The following ARHGAP11A variants were observed in gnomAD, a reference collection of about 807,000 sequenced individuals.
The protein encoded by ARHGAP11A is Rho GTPase activating protein 11A, also known as rho GTPase-activating protein 11A.
Under a neutral mutation model 60.5 loss-of-function variants are expected in ARHGAP11A, and 36 were observed. The ratio of observed to expected loss-of-function variants is 0.59; its 90% CI spans 0.46 to 0.79. The LOEUF (loss-of-function observed/expected upper bound fraction) is 0.79, where lower values mean the gene tolerates loss of function less well. Among genes scored for constraint, ARHGAP11A ranks in the 30% least tolerant of loss-of-function variants. ARHGAP11A has a pLI of 0.00. For synonymous variants in ARHGAP11A, 362 were observed against 415.5 expected, an observed-to-expected ratio of 0.87 and a Z score of 1.57; for missense variants, 1,071 against 1,199.2, an observed-to-expected ratio of 0.89 and a Z score of 1.58.
chr15:32,633,519 G>A (rs773051175), intron 9 of ARHGAP11A, among the ~76,000 whole-genome samples: 11 of 152,124 alleles, frequency 7.2e-5, no homozygotes, highest in Non-Finnish European at 1.5e-4. Flanking sequence ...CCACATGCCT[G>A]TAGTCCCAGC....
rs780749897 is a variant in ARHGAP11A, at chr15:32,636,651, A to G, written c.1878A>G (p.Lys626=). 3.7e-6 allele frequency: 6 copies of G among 1,613,750 alleles called. No homozygotes were observed. In the South Asian group the frequency reaches 6.6e-5, roughly 18 times the overall value. Residue 626 remains lysine, a synonymous_variant, in exon 12 of 12, where the codon AAA becomes AAG. Coordinates refer to ENST00000361627, the MANE Select transcript of ARHGAP11A (RefSeq NM_014783.6). The stretch of plus-strand genomic sequence containing the variant: ...AGTCATCAGTAACTAATGTGGGGAA[A>G]GTAAAATTAACTGAACCATCTTATT... ...QRQSSVTNVG[K]VKLTEPSYLE...
intron 10 of ARHGAP11A, 128 bp downstream of exon 10, chr15:32,634,169 T>C: frequency 3.1e-6 from 2 of 650,608 alleles, no homozygotes; most frequent in East Asian, 3.0e-5. Flanking sequence ...CCAAAACTCT[T>C]ATACTTGAGT....
intron 4 of ARHGAP11A, 49 bp from the exon 5 acceptor site, chr15:32,625,031 C>G: frequency 1.3e-6 from 2 of 1,587,782 alleles, no homozygotes; most frequent in Non-Finnish European, 1.7e-6. Context: ...TTTAACTCTT[C>G]TGTATTTTCA....
At chr15:32,623,450 G>A (rs2053384080) in intron 2 of ARHGAP11A, 42 bp from the exon 3 acceptor site, 3 of 1,560,684 alleles carry the variant, frequency 1.9e-6, no homozygotes, top group Non-Finnish European at 2.6e-6. Context: ...GGAATAGGAT[G>A]TGATATGTAT....
chr15:32,630,675 A>G (rs1274872447), intron 8 of ARHGAP11A, among the ~76,000 whole-genome samples: 1 of 151,854 alleles, frequency 6.6e-6, no homozygotes, highest in African/African-American at 2.4e-5. Context: ...CTGTTGTCCA[A>G]AAGGGTTCTT....
chr15:32,624,082 G>C lies in ARHGAP11A; in HGVS notation c.298-91G>C, dbSNP rs929451838. ...TAAGAGTTAAGAGAAATTTATTAAA[G>C]AAAAGTGTAATTAGAGTATAACAAA... On this transcript the variant is annotated intron_variant, in intron 3 of 11. Coordinates refer to ENST00000361627, the MANE Select transcript of ARHGAP11A (RefSeq NM_014783.6). The C allele has an allele frequency of 2.7e-6, 4 of 1,506,804 alleles. No homozygotes were observed. The African/African-American group carries it at 5.9e-5, about 22-fold the overall frequency. The allele number at this position is 1,506,804 out of a possible 1,614,324, so 93.3% of individuals were successfully genotyped here. A position where few individuals can be genotyped will look rare whatever the true frequency, so the allele number is the denominator to read the frequency against.
At chr15:32,618,907 C>T (rs142190023) in intron 1 of ARHGAP11A, among the ~76,000 whole-genome samples, 2,967 of 152,178 alleles carry the variant, frequency 0.019, 56 homozygotes, top group East Asian at 0.071. Flanking sequence ...GCCGAGATTG[C>T]GCCACTGCAC....
rs1466440562 is a variant in ARHGAP11A, at chr15:32,625,575, A to G, written c.804A>G (p.Glu268=). 5.0e-6 allele frequency: 8 copies of G among 1,613,846 alleles called. No individual in the cohort carries two copies. ...CTACTCCATCACTGGAAGGCTTTGA[A>G]GAAGGTGAATATGAAACTCCTGGTG... is the stretch of plus-strand genomic sequence containing the variant. ...LCATPSLEGF[E]EGEYETPGEY... The change falls in exon 6 of 12, where the codon GAA becomes GAG. Residue 268 remains glutamate, a synonymous_variant. Transcript: ENST00000361627.
At chr15:32,632,335 G>T (rs1438212657) in intron 8 of ARHGAP11A, among the ~76,000 whole-genome samples, 1 of 152,118 alleles carries the variant, frequency 6.6e-6, no homozygotes, top group Non-Finnish European at 1.5e-5. Flanking sequence ...AGCTTCTGTT[G>T]TACCAGTAAT....
At chr15:32,621,706 T>C (rs2053314476) in intron 2 of ARHGAP11A, among the ~76,000 whole-genome samples, 1 of 152,294 alleles carries the variant, frequency 6.6e-6, no homozygotes, top group East Asian at 1.9e-4. Context: ...GCACCTGTAG[T>C]TCCAGCTACT....
intron 2 of ARHGAP11A, among the ~76,000 whole-genome samples, chr15:32,622,011 C>A (rs1205135778): frequency 6.6e-6 from 1 of 152,302 alleles, no homozygotes; most frequent in Admixed American, 6.5e-5. Flanking sequence ...AGGACAGTTT[C>A]CCCCCATTCA....
rs1410179425 is a variant in ARHGAP11A, at chr15:32,637,820, CAACA to C, written c.3049_3052del (p.Thr1017ValfsTer4). ...CCTATCGGAAAAACTCAATTACTAC[CAACA>C]AGTAAACCTGTAGATTTGTAATTGG... On this transcript the variant is annotated frameshift_variant, in exon 12 of 12. Coordinates refer to ENST00000361627, the MANE Select transcript of ARHGAP11A (RefSeq NM_014783.6). LOFTEE classifies it high-confidence loss of function. 1 of 1,602,760 alleles carries C rather than the reference CAACA, an allele frequency of 6.2e-7. No individual in the cohort carries two copies. The highest frequency in any genetic ancestry group is 1.1e-5 in the South Asian group (1 of 88,514).
rs993367202 is a variant in ARHGAP11A, at chr15:32,636,067, A to G, written c.1483+152A>G. ...ATTAGAATTGGCAATGTATTTTTCTATCAACAATTGGGAAATGCTTATACA... is the reference window on the plus strand; with the variant it reads ...ATTAGAATTGGCAATGTATTTTTCTGTCAACAATTGGGAAATGCTTATACA... On this transcript the variant is annotated intron_variant, in intron 11 of 11. Transcript: ENST00000361627. The G allele has an allele frequency of 3.7e-5, 51 of 1,377,688 alleles. No individual in the cohort carries two copies. In the African/African-American group the frequency reaches 6.0e-4, roughly 16 times the overall value. 85.3% of individuals were successfully genotyped at this position (1,377,688 alleles called of 1,614,324 possible).
In ARHGAP11A at chr15:32,638,979, G is replaced by A. The variant is rs114281914; in HGVS notation, c.*1134G>A. 7 of 152,668 alleles carry A rather than the reference G, an allele frequency of 4.6e-5. No homozygotes were observed. The highest frequency in any genetic ancestry group is 1.7e-4 in the African/African-American group (7 of 41,514). The allele number at this position is 152,668 out of a possible 1,614,324, so 9.5% of individuals were successfully genotyped here. ...TTTTACTTGGATAAAAACCTATGATGATTTTGTCCTGTGTGTAAATGTTAT... is the reference window on the plus strand; with the variant it reads ...TTTTACTTGGATAAAAACCTATGATAATTTTGTCCTGTGTGTAAATGTTAT... On this transcript the variant is annotated 3_prime_UTR_variant, in exon 12 of 12. Coordinates refer to ENST00000361627, the MANE Select transcript of ARHGAP11A (RefSeq NM_014783.6).
At chr15:32,628,971 A>G (rs2053529421) in intron 7 of ARHGAP11A, among the ~76,000 whole-genome samples, 169 bp downstream of exon 7, 1 of 152,100 alleles carries the variant, frequency 6.6e-6, no homozygotes, top group Non-Finnish European at 1.5e-5. Flanking sequence ...GACATTGCTA[A>G]TTACATAGGC....
chr15:32,618,761 C>CG (rs747276318), intron 1 of ARHGAP11A, among the ~76,000 whole-genome samples: 1 of 7,746 alleles, frequency 1.3e-4, no homozygotes, highest in Non-Finnish European at 2.6e-4. Flanking sequence ...CGGTGAAACC[C>CG]CCCCCCCCCC....
rs1377016041 is a variant in ARHGAP11A at position 32,637,557 on chromosome 15, C to T, written c.2784C>T (p.Phe928=). Residue 928 remains phenylalanine, a synonymous_variant, in exon 12 of 12, where the codon TTC becomes TTT. Coordinates refer to ENST00000361627, the MANE Select transcript of ARHGAP11A (RefSeq NM_014783.6). The part of the protein sequence containing the change: ...KSSMELPSKS[F]LKMRKHPDSV... ...GCATGGAGTTACCCTCGAAATCTTT[C>T]TTAAAGATGAGGAAGCACCCAGATT... is the stretch of plus-strand genomic sequence containing the variant. 6.8e-6 allele frequency: 11 copies of T among 1,614,018 alleles called. No homozygotes were observed. The highest frequency in any genetic ancestry group is 1.7e-6 in the Non-Finnish European group (2 of 1,180,024).
chr15:32,621,982 T>G (rs1300066092), intron 2 of ARHGAP11A, among the ~76,000 whole-genome samples: 1 of 152,312 alleles, frequency 6.6e-6, no homozygotes, highest in Admixed American at 6.5e-5. Flanking sequence ...AAAGCAATTA[T>G]CGAACACCTG....
chr15:32,616,386 C>A, intron 1 of ARHGAP11A, 46 bp downstream of exon 1: 1 of 1,610,702 alleles, frequency 6.2e-7, no homozygotes, highest in Non-Finnish European at 8.5e-7. Flanking sequence ...AAGGGCACAC[C>A]CTTTATCATC....
Sources: gnomAD v4.1 joint callset for allele counts (sites outside exome capture counted in the v4.1 genomes callset) on GRCh38, gnomAD v4.1.1 for gene constraint, MANE v1.5 for transcripts, NCBI Gene and HGNC (gene_info 2026-07-23, HGNC 2026-07-21) for gene names.